The following INSR variants were observed in gnomAD, a reference collection of about 807,000 sequenced individuals.
INSR encodes IR.
Under a neutral mutation model 142.6 loss-of-function variants are expected in INSR, and 67 were observed. The observed-to-expected ratio is 0.47, with a 90% CI of 0.39 to 0.58. INSR has a LOEUF of 0.58. Ranked by LOEUF, INSR falls within the 20% of genes least tolerant of loss-of-function variation. The pLI is 0.00. For missense variants in INSR, 1,248 were observed against 1,833.2 expected (o/e 0.68, Z 5.83); for synonymous variants, 756 against 743.1 (o/e 1.02, Z -0.28).
In INSR at chr19:7,184,702, A is replaced by G. The variant is rs1599959183; in HGVS notation, c.653-65T>C. 7 of 1,171,646 alleles carry G rather than the reference A, an allele frequency of 6.0e-6. No individual in the cohort carries two copies. The East Asian group carries it at 2.0e-4, about 34-fold the overall frequency. The allele number at this position is 1,171,646 out of a possible 1,614,324, so 72.6% of individuals were successfully genotyped here. On this transcript the variant is annotated intron_variant, in intron 2 of 21. Transcript: ENST00000302850. The stretch of plus-strand genomic sequence containing the variant: ...AATAAATAAATAAATAAATAAATAA[A>G]TAAATGGCTTTGTCCAATTCCTGTC...
intron 1 of INSR, among the ~76,000 whole-genome samples, chr19:7,287,945 A>G (rs950445904): frequency 6.6e-6 from 1 of 152,234 alleles, no homozygotes; most frequent in African/African-American, 2.4e-5. Flanking sequence ...GTCATAGATG[A>G]TGAGTAGACA....
chr19:7,293,764 C>G, intron 1 of INSR, 28 bp downstream of exon 1: 3 of 1,327,072 alleles, frequency 2.3e-6, no homozygotes, highest in Non-Finnish European at 2.9e-6. Context: ...GCGGCGCTCC[C>G]CGCCCACGCC....
Position 7,274,298 on chromosome 19 carries a change from G to A in INSR, c.101-6402C>T, listed in dbSNP as rs1055763414. Among the ~76,000 whole-genome samples the A allele has an allele frequency of 5.3e-5, 8 of 151,834 alleles. No homozygotes were observed. In the East Asian group the frequency reaches 5.8e-4, roughly 11 times the overall value. ...TGCTGCCATTGTTCTGACACGAGGC[G>A]GAGCTCAGGCGGCAATGCTCACCTG... On this transcript the variant is annotated intron_variant, in intron 1 of 21. Transcript: ENST00000302850.
At chr19:7,151,194 TTCTTTCTTTCTTTCTTTTTCTTTCTC>T in intron 10 of INSR, among the ~76,000 whole-genome samples, 1 of 81,920 alleles carries the variant, frequency 1.2e-5, no homozygotes, top group African/African-American at 3.7e-5. Flanking sequence ...CTTTCTTTCT[TTCTTTCTTTCTTTCTTTTTCTTTCTC>T]TCTTCCTTCC....
intron 1 of INSR, among the ~76,000 whole-genome samples, chr19:7,277,059 A>G (rs1027299440): frequency 1.3e-5 from 2 of 152,064 alleles, no homozygotes; most frequent in African/African-American, 2.4e-5. Context: ...TGACAACAGC[A>G]TAATGAAACC....
rs1555743444 is a variant in INSR at position 7,166,936 on chromosome 19, A to AATAAATAAATAG, written c.1611-533_1611-532insCTATTTATTTAT. On this transcript the variant is annotated intron_variant, in intron 7 of 21. Transcript: ENST00000302850. The surrounding 1 kb of genome is among the most constrained non-coding windows in gnomAD (Gnocchi z 4.1). ...TCTGTTTCAAAAACATAAATAAATA[A>AATAAATAAATAG]ATAAATAAATAAATGCTTGGGACCA... Among the ~76,000 whole-genome samples the AATAAATAAATAG allele has an allele frequency of 6.1e-4, 92 of 151,752 alleles. No individual in the cohort carries two copies. Among genetic ancestry groups the AATAAATAAATAG allele is most frequent in the East Asian group, 3.7e-3 (19 of 5,134 alleles).
At chr19:7,234,886 A>T (rs1207090895) in intron 2 of INSR, among the ~76,000 whole-genome samples, 1 of 151,958 alleles carries the variant, frequency 6.6e-6, no homozygotes, top group Non-Finnish European at 1.5e-5. Context: ...ATGAAACCCC[A>T]TCTCTACGAA....
intron 12 of INSR, among the ~76,000 whole-genome samples, chr19:7,142,066 G>A (rs1449030198): frequency 1.3e-5 from 2 of 151,638 alleles, no homozygotes; most frequent in Non-Finnish European, 2.9e-5. Flanking sequence ...GAGTGCAGTG[G>A]TGTATTTTCT....
At chr19:7,122,551 C>T (rs1972518857) in intron 19 of INSR, 63 bp downstream of exon 19, 4 of 1,573,690 alleles carry the variant, frequency 2.5e-6, no homozygotes, top group African/African-American at 1.3e-5. Context: ...TTATAGACAA[C>T]TTCCTTCTGA....
At chr19:7,213,670 A>C (rs1975348543) in intron 2 of INSR, among the ~76,000 whole-genome samples, 1 of 152,200 alleles carries the variant, frequency 6.6e-6, no homozygotes, top group Admixed American at 6.5e-5. Flanking sequence ...AAGACTTCAG[A>C]CAGGAAAAGT....
Position 7,174,601 on chromosome 19 carries a change from T to C in INSR, c.1105A>G (p.Ile369Val), listed in dbSNP as rs1189777988. 5 of 1,613,898 alleles carry C rather than the reference T, an allele frequency of 3.1e-6. No homozygotes were observed. Among genetic ancestry groups the C allele is most frequent in the Admixed American group, 1.7e-5 (1 of 59,970 alleles). Residue 369 changes from isoleucine to valine, a missense_variant, in exon 4 of 22, where the codon ATC becomes GTC. By Grantham distance (29) the Ile-to-Val change is conservative. This residue lies in a region of INSR where 1,069 missense variants were observed against 1,654.0 expected (regional missense o/e 0.65). Transcript: ENST00000302850. ...GCTVINGSLI[I>V]NIRGGNNLAA... The stretch of plus-strand genomic sequence containing the variant: ...CACTCACTGCCTCCTCGAATGTTGA[T>C]GATCAGACTCCCGTTGATGACGGTG...
At chr19:7,240,334 G>A (rs28532116) in intron 2 of INSR, among the ~76,000 whole-genome samples, 9,015 of 152,212 alleles carry the variant, frequency 0.059, 705 homozygotes, top group African/African-American at 0.17. Flanking sequence ...TGTAATCCCA[G>A]CACTTTGGGA....
chr19:7,204,033 G>C (rs1229952115), intron 2 of INSR, among the ~76,000 whole-genome samples: 1 of 151,810 alleles, frequency 6.6e-6, no homozygotes, highest in African/African-American at 2.4e-5. Context: ...CAGGCTCCCG[G>C]CTCACTGCAA....
At chr19:7,172,568 AAC>A (rs1974043336) in intron 4 of INSR, 134 bp from the exon 5 acceptor site, 1 of 977,810 alleles carries the variant, frequency 1.0e-6, no homozygotes, top group Non-Finnish European at 1.6e-6. Flanking sequence ...TCATGCTTAG[AAC>A]ACAATCTGAA....
At chr19:7,153,293 G>A (rs189787749) in intron 9 of INSR, among the ~76,000 whole-genome samples, 37 of 3,258 alleles carry the variant, frequency 0.011, no homozygotes, top group South Asian at 0.02. Flanking sequence ...ACCACACACC[G>A]CACACACACC....
Position 7,119,520 on chromosome 19 carries a change from A to G in INSR, c.3723T>C (p.Ser1241=). 6.2e-7 allele frequency: 1 copy of G among 1,614,098 alleles called. No individual in the cohort carries two copies. Among genetic ancestry groups the G allele is most frequent in the Non-Finnish European group, 8.5e-7 (1 of 1,179,920 alleles). Residue 1241 remains serine (S), a synonymous_variant, in exon 21 of 22, where the codon TCT becomes TCC. Coordinates refer to ENST00000302850, the MANE Select transcript of INSR (RefSeq NM_000208.4). This position sits in a 1 kb window ranked among gnomAD's most constrained non-coding sequence, Gnocchi z 5.2. ...TGACAAATTTCAACACCTGTTCATT[A>G]GACAGGCCTTGGTAAGGCTGTTCTG... ...SLAEQPYQGL[S]NEQVLKFVMD...
rs747038967 is a variant in INSR, at chr19:7,119,442, C to T, written c.3794+7G>A. 2.5e-6 allele frequency: 4 copies of T among 1,614,194 alleles called. No homozygotes were observed. In the South Asian group the frequency reaches 4.4e-5, roughly 18 times the overall value. On this transcript the variant is annotated splice_region_variant and intron_variant, in intron 21 of 21. Coordinates refer to ENST00000302850, the MANE Select transcript of INSR (RefSeq NM_000208.4). This position sits in a 1 kb window ranked among gnomAD's most constrained non-coding sequence, Gnocchi z 5.2. ...CCTCACACACCTTAAACCCTTTCTA[C>T]ACTTACACTCTCTCTGGACAGTTGT...
intron 2 of INSR, among the ~76,000 whole-genome samples, chr19:7,254,747 G>A (rs1012773921): frequency 1.3e-5 from 2 of 152,162 alleles, no homozygotes; most frequent in East Asian, 1.9e-4. Context: ...GACTTCCTTG[G>A]GTCCTCCCCG....
At chr19:7,126,461 A>T in intron 16 of INSR, 123 bp downstream of exon 16, 1 of 869,582 alleles carries the variant, frequency 1.1e-6, no homozygotes, top group Non-Finnish European at 1.9e-6. Context: ...GCAAGCTCAA[A>T]TGAATAAGAG....
Sources: allele counts gnomAD v4.1 joint callset (sites outside exome capture counted in the v4.1 genomes callset), GRCh38; gene constraint gnomAD v4.1.1; regional missense constraint gnomAD v4.1.1; non-coding constraint Gnocchi (gnomAD v3.1); transcripts MANE v1.5; gene names NCBI Gene and HGNC (gene_info 2026-07-23, HGNC 2026-07-21).